The following CCDC57 variants were observed in gnomAD, a reference collection of about 807,000 sequenced individuals.
CCDC57 encodes the protein coiled-coil domain-containing protein 57.
A neutral mutation model predicts 118.9 loss-of-function variants in CCDC57; 118 were observed. That is an observed-to-expected ratio of 0.99 (90% confidence interval 0.86 to 1.16). The LOEUF is 1.16. Among genes scored for constraint, CCDC57 ranks in the 50% most tolerant of loss-of-function variants. The pLI, the probability that CCDC57 is intolerant of heterozygous loss-of-function variation, is 0.00. For missense variants in CCDC57, 1,300 were observed against 1,320.7 expected, an observed-to-expected ratio of 0.98 and a Z score of 0.24; for synonymous variants, 527 against 532.9, an observed-to-expected ratio of 0.99 and a Z score of 0.15.
At chr17:82,151,358 G>GGC (rs1423549805) in intron 16 of CCDC57, among the ~76,000 whole-genome samples, 2 of 149,974 alleles carry the variant, frequency 1.3e-5, no homozygotes, top group African/African-American at 2.5e-5. Flanking sequence ...CCCAGAACCT[G>GGC]GCACACACCC....
chr17:82,155,376 C>G (rs1568294133), intron 15 of CCDC57: 1 of 152,412 alleles, frequency 6.6e-6, no homozygotes, highest in East Asian at 1.9e-4. Context: ...CAGCCTGGAC[C>G]CATGATTTCC....
intron 3 of CCDC57, among the ~76,000 whole-genome samples, chr17:82,200,272 C>T (rs143314798): frequency 8.5e-5 from 13 of 152,274 alleles, no homozygotes; most frequent in African/African-American, 2.9e-4. Flanking sequence ...CAGAACCCAG[C>T]GCACTGACAC....
chr17:82,145,772 A>G, intron 16 of CCDC57: 1 of 459,250 alleles, frequency 2.2e-6, no homozygotes, highest in South Asian at 1.6e-5. Flanking sequence ...GGCTGTTCTC[A>G]CTCCCCGCCC....
chr17:82,115,583 C>T (rs1204653379), intron 19 of CCDC57, among the ~76,000 whole-genome samples: 1 of 151,768 alleles, frequency 6.6e-6, no homozygotes, highest in Non-Finnish European at 1.5e-5. Context: ...CCATATTGGG[C>T]AACATAGTAA....
At chr17:82,171,573 G>T (rs1025461946) in intron 13 of CCDC57, 128 bp downstream of exon 12, 3 of 942,062 alleles carry the variant, frequency 3.2e-6, no homozygotes, top group Non-Finnish European at 3.1e-6. Flanking sequence ...GGGGCTGCTG[G>T]GCTGGATGAC....
intron 19 of CCDC57, chr17:82,113,372 C>G (rs1470064488): frequency 2.8e-6 from 2 of 717,212 alleles, no homozygotes; most frequent in Non-Finnish European, 2.6e-6. Context: ...GTGACCTGCT[C>G]TCTCAGTCAC....
chr17:82,163,534 A>G, intron 13 of CCDC57, 177 bp from the exon 13 acceptor site: 3 of 671,018 alleles, frequency 4.5e-6, no homozygotes, highest in Non-Finnish European at 7.5e-6. Context: ...TGAAGATTAG[A>G]GATGCTGTAC....
intron 11 of CCDC57, among the ~76,000 whole-genome samples, chr17:82,173,841 A>G (rs575744579): frequency 2.9e-4 from 44 of 151,518 alleles, no homozygotes; most frequent in African/African-American, 1.0e-3. Context: ...AGGAGGAGAG[A>G]CAGGCCCCGC....
chr17:82,188,091 G>T, intron 8 of CCDC57, 128 bp downstream of exon 7: 1 of 637,600 alleles, frequency 1.6e-6, no homozygotes, highest in South Asian at 2.5e-5. Context: ...AAGTGACTGA[G>T]AGCTACAGAA....
intron 16 of CCDC57, among the ~76,000 whole-genome samples, chr17:82,148,008 T>A (rs1598901970): frequency 1.5e-5 from 1 of 68,276 alleles, no homozygotes; most frequent in Non-Finnish European, 2.7e-5. Context: ...GATGGATGGA[T>A]GGATAGATAG....
intron 19 of CCDC57, among the ~76,000 whole-genome samples, chr17:82,102,176 G>A (rs2034495292): frequency 6.6e-6 from 1 of 152,164 alleles, no homozygotes; most frequent in Non-Finnish European, 1.5e-5. Flanking sequence ...TCCCAGGAGG[G>A]GGCAGGGGTG....
At chr17:82,146,988 G>A (rs915485766) in intron 16 of CCDC57, among the ~76,000 whole-genome samples, 10 of 152,242 alleles carry the variant, frequency 6.6e-5, no homozygotes, top group African/African-American at 9.6e-5. Context: ...ACACACAGCC[G>A]AGGAAACATC....
At chr17:82,181,979 G>A (rs548588619) in intron 9 of CCDC57, among the ~76,000 whole-genome samples, 9 of 152,270 alleles carry the variant, frequency 5.9e-5, no homozygotes, top group East Asian at 1.9e-4. Flanking sequence ...TTAGCCAGGC[G>A]TGGTGGCGCA....
At chr17:82,179,005 A>C in intron 10 of CCDC57, 22 bp downstream of exon 9, 1 of 1,609,976 alleles carries the variant, frequency 6.2e-7, no homozygotes, top group South Asian at 1.1e-5. Flanking sequence ...AGAAGGCCCC[A>C]GGCCCTGGTG....
chr17:82,125,378 A>ATT (rs33998629), intron 19 of CCDC57, among the ~76,000 whole-genome samples: 53 of 146,058 alleles, frequency 3.6e-4, no homozygotes, highest in Non-Finnish European at 4.5e-4. Flanking sequence ...TCTCTACTAA[A>ATT]TTTTTTTTTT....
chr17:82,184,636 C>T (rs917547488), intron 8 of CCDC57, among the ~76,000 whole-genome samples: 1 of 152,246 alleles, frequency 6.6e-6, no homozygotes. Context: ...GCATCACACA[C>T]GACAGACCTT....
chr17:82,177,797 C>T (rs184486943), intron 11 of CCDC57, among the ~76,000 whole-genome samples: 14 of 152,274 alleles, frequency 9.2e-5, no homozygotes, highest in African/African-American at 2.4e-4. Flanking sequence ...ACTTACATGT[C>T]GGCTGCACTG....
intron 16 of CCDC57, among the ~76,000 whole-genome samples, chr17:82,143,239 G>A (rs1340622773): frequency 6.6e-6 from 1 of 151,650 alleles, no homozygotes; most frequent in African/African-American, 2.4e-5. Context: ...CTTGGCCAAA[G>A]TGATACTCAT....
At chr17:82,163,647 A>C (rs568231895) in intron 13 of CCDC57, among the ~76,000 whole-genome samples, 1 of 152,226 alleles carries the variant, frequency 6.6e-6, no homozygotes, top group Non-Finnish European at 1.5e-5. Context: ...AGTCTGTCCA[A>C]GTAAAGAGCC....
Sources: gnomAD v4.1 joint callset for allele counts (sites outside exome capture counted in the v4.1 genomes callset) on GRCh38, gnomAD v4.1.1 for gene constraint, MANE v1.5 for transcripts, NCBI Gene and HGNC (gene_info 2026-07-23, HGNC 2026-07-21) for gene names.